Variants in CPM observed in about 807,000 individuals in gnomAD.
CPM encodes the protein carboxypeptidase M, also known as renal carboxypeptidase.
A neutral mutation model predicts 46.4 loss-of-function variants in CPM; 35 were observed. That is an observed-to-expected ratio of 0.75 (90% CI 0.58 to 1.00). The LOEUF (loss-of-function observed/expected upper bound fraction) is 1.00, where lower values mean the gene tolerates loss of function less well. Ranked by LOEUF, CPM falls within the 50% of genes least tolerant of loss-of-function variation. The probability of loss-of-function intolerance (pLI) is 0.00; values close to 1 mark genes in which losing one functional copy is unlikely to be tolerated. For synonymous variants in CPM, 195 were observed against 195.3 expected (o/e 1.00, Z 0.01); for missense variants, 422 against 530.4 (o/e 0.80, Z 2.01).
At chr12:68,962,010 C>A (rs901824108) in intron 1 of CPM, among the ~76,000 whole-genome samples, 1 of 152,008 alleles carries the variant, frequency 6.6e-6, no homozygotes, top group African/African-American at 2.4e-5. Flanking sequence ...ACCATCCTGG[C>A]TAACGCGGTG....
intron 1 of CPM, among the ~76,000 whole-genome samples, chr12:68,961,314 T>G (rs1258775548): frequency 1.3e-5 from 2 of 151,926 alleles, no homozygotes; most frequent in Non-Finnish European, 2.9e-5. Context: ...CCTGGCTAAT[T>G]TTGTGTTTTT....
chr12:68,882,495 T>C (rs1200254308), intron 3 of CPM, among the ~76,000 whole-genome samples: 1 of 152,222 alleles, frequency 6.6e-6, no homozygotes, highest in Non-Finnish European at 1.5e-5. Context: ...TAACCCTATG[T>C]CTTTGCTATT....
rs376542148 is a variant in CPM at position 68,855,937 on chromosome 12, G to A, written c.*500C>T. On this transcript the variant is annotated 3_prime_UTR_variant, in exon 9 of 9. Coordinates refer to ENST00000551568, the MANE Select transcript of CPM (RefSeq NM_198320.5). ...GTAGAGACAGGGTTTCACCATGTTG[G>A]TCAGGCTGGTTTTGAACTCCTAACC... is the stretch of plus-strand genomic sequence containing the variant. 391 of 156,482 alleles carry A rather than the reference G, an allele frequency of 2.5e-3. No individual in the cohort carries two copies. Among genetic ancestry groups the A allele is most frequent in the African/African-American group, 8.6e-3 (359 of 41,558 alleles). The allele number at this position is 156,482 out of a possible 1,614,324, so 9.7% of individuals were successfully genotyped here.
intron 5 of CPM, chr12:68,843,943 G>T (rs1315779701): frequency 4.7e-6 from 1 of 210,590 alleles, no homozygotes; most frequent in Non-Finnish European, 9.6e-6. Flanking sequence ...GGTCCTCAAA[G>T]CATTATTGGA....
intron 2 of CPM, among the ~76,000 whole-genome samples, chr12:68,923,168 T>A (rs985841284): frequency 1.8e-4 from 19 of 103,664 alleles, no homozygotes; most frequent in Non-Finnish European, 4.0e-5. Context: ...AGAGTGTGTG[T>A]GTGTGTGTGT....
rs371647855 is a variant in CPM at position 68,871,871 on chromosome 12, T to C, written c.344A>G (p.Asn115Ser). The change falls in exon 4 of 9, where the codon AAT becomes AGT. Residue 115 changes from asparagine to serine, a missense_variant. Physicochemically the swap from Asn to Ser is conservative, Grantham distance 46. Coordinates refer to ENST00000551568, the MANE Select transcript of CPM (RefSeq NM_198320.5). ...AGGCATGATGTGTATCCGGGTACTATTGATCAGATTTGTGATTTCAGGGTC... is the reference window on the plus strand; with the variant it reads ...AGGCATGATGTGTATCCGGGTACTACTGATCAGATTTGTGATTTCAGGGTC... ...GKDPEITNLINSTRIHIMPSM... is the reference protein window; with the variant it reads ...GKDPEITNLISSTRIHIMPSM... The C allele has an allele frequency of 4.3e-5, 69 of 1,614,076 alleles. No homozygotes were observed. Among genetic ancestry groups the C allele is most frequent in the Non-Finnish European group, 5.3e-5 (62 of 1,180,040 alleles).
At chr12:68,903,758 G>A (rs192407549) in intron 2 of CPM, among the ~76,000 whole-genome samples, 88 of 152,282 alleles carry the variant, frequency 5.8e-4, no homozygotes, top group African/African-American at 2.0e-3. Context: ...GGCCTAGAAC[G>A]GATTTCGTGC....
chr12:68,885,834 C>T lies in CPM; in HGVS notation c.216G>A (p.Gly72=), dbSNP rs752895022. The T allele has an allele frequency of 2.5e-6, 4 of 1,614,080 alleles. No individual in the cohort carries two copies. Among genetic ancestry groups the T allele is most frequent in the Admixed American group, 1.7e-5 (1 of 59,998 alleles). Residue 72 remains glycine, a synonymous_variant, in exon 3 of 9, where the codon GGG becomes GGA. Coordinates refer to ENST00000551568, the MANE Select transcript of CPM (RefSeq NM_198320.5). ...TTGCCACGTATTTGAACTCTGGAAT[C>T]CCAATTCTGTGTTCCTTTGGAAACC... ...VGRFPKEHRI[G]IPEFKYVANM... is the part of the protein sequence containing the mutation.
In CPM at chr12:68,956,079, A is replaced by G. The variant is rs183813160; in HGVS notation, c.-4+7090T>C. Among the ~76,000 whole-genome samples the G allele has an allele frequency of 2.0e-5, 3 of 152,276 alleles. No homozygotes were observed. The East Asian group carries it at 5.8e-4, about 29-fold the overall frequency. On this transcript the variant is annotated intron_variant, in intron 1 of 8. Transcript: ENST00000546373. ...GCTGTTCCTGCTAAGGGGCTCCTGC[A>G]GGCCTACACTGCTTTCCATGCTCGT...
intron 5 of CPM, chr12:68,844,155 G>T (rs374304367): frequency 1.1e-4 from 22 of 207,032 alleles, no homozygotes; most frequent in East Asian, 9.7e-4. Flanking sequence ...TATAGTACAC[G>T]TGTTGAAAAT....
downstream of CPM, chr12:68,847,295 T>G (rs868615107): frequency 6.9e-6 from 1 of 145,752 alleles, no homozygotes; most frequent in Admixed American, 6.8e-5. Flanking sequence ...GTCTTGACCT[T>G]GACCTCTCAA....
Position 68,853,159 on chromosome 12 carries a change from G to T in CPM, c.*3278C>A, listed in dbSNP as rs868395193. ...ATTTCAGCAAGAGATTTACATTAAGGCTCATGAACTAATTCAGATTTTTGT... is the reference window on the plus strand; with the variant it reads ...ATTTCAGCAAGAGATTTACATTAAGTCTCATGAACTAATTCAGATTTTTGT... On this transcript the variant is annotated 3_prime_UTR_variant, in exon 9 of 9. Coordinates refer to ENST00000551568, the MANE Select transcript of CPM (RefSeq NM_198320.5). 2.0e-5 allele frequency: 3 copies of T among 152,142 alleles called. No homozygotes were observed. Among genetic ancestry groups the T allele is most frequent in the East Asian group, 1.9e-4 (1 of 5,196 alleles). 9.4% of individuals were successfully genotyped at this position (152,142 alleles called of 1,614,324 possible).
At chr12:68,925,921 T>A (rs909429078) in intron 2 of CPM, among the ~76,000 whole-genome samples, 4 of 152,182 alleles carry the variant, frequency 2.6e-5, no homozygotes, top group African/African-American at 9.6e-5. Context: ...TATATTTATT[T>A]ATTTTTGAGA....
At chr12:68,916,533 T>C (rs939856454) in intron 2 of CPM, among the ~76,000 whole-genome samples, 1 of 152,198 alleles carries the variant, frequency 6.6e-6, no homozygotes, top group South Asian at 2.1e-4. Context: ...TTATTTACCC[T>C]GGTGTGTTTG....
At chr12:68,949,857 G>C (rs1644250530) in intron 1 of CPM, among the ~76,000 whole-genome samples, 1 of 152,186 alleles carries the variant, frequency 6.6e-6, no homozygotes, top group Non-Finnish European at 1.5e-5. Flanking sequence ...TTCATAATCA[G>C]TGTTGCATTC....
intron 2 of CPM, among the ~76,000 whole-genome samples, chr12:68,906,497 T>G (rs1469789651): frequency 2.6e-5 from 4 of 151,610 alleles, no homozygotes; most frequent in Admixed American, 6.6e-5. Flanking sequence ...TAGATTTTGT[T>G]TTTTTTTTGA....
intron 2 of CPM, among the ~76,000 whole-genome samples, chr12:68,909,499 CCAT>C (rs1265130323): frequency 2.6e-5 from 4 of 152,036 alleles, no homozygotes; most frequent in African/African-American, 9.7e-5. Flanking sequence ...CTGTCAGTAT[CCAT>C]CAAGCACAAA....
chr12:68,919,148 C>T (rs1194325719), intron 2 of CPM, among the ~76,000 whole-genome samples: 1 of 152,174 alleles, frequency 6.6e-6, no homozygotes, highest in African/African-American at 2.4e-5. Flanking sequence ...TTCAGATCTC[C>T]ACTTTAACCT....
chr12:68,912,239 A>G (rs1887627088), intron 2 of CPM, among the ~76,000 whole-genome samples: 1 of 152,194 alleles, frequency 6.6e-6, no homozygotes, highest in African/African-American at 2.4e-5. Flanking sequence ...TCCTGACCTC[A>G]GGTGATCTGC....
Sources: gnomAD v4.1 joint callset for allele counts (sites outside exome capture counted in the v4.1 genomes callset) on GRCh38, gnomAD v4.1.1 for gene constraint, MANE v1.5 for transcripts, NCBI Gene and HGNC (gene_info 2026-07-23, HGNC 2026-07-21) for gene names.